The following TF variants were observed in gnomAD, a reference collection of about 807,000 sequenced individuals.
The protein encoded by TF is serotransferrin.
TF carries 55 observed loss-of-function variants against 82.4 expected under a neutral mutation model. That is an observed-to-expected ratio of 0.67 (90% CI 0.54 to 0.84). The LOEUF (loss-of-function observed/expected upper bound fraction) is 0.84. TF is among the 40% of genes least tolerant of loss of function. TF has a pLI of 0.00. For synonymous variants in TF, 332 were observed against 332.6 expected, an observed-to-expected ratio of 1.00 and a Z score of 0.02; for missense variants, 737 against 868.4, an observed-to-expected ratio of 0.85 and a Z score of 1.90.
In TF at chr3:133,787,973, T is replaced by C. The variant is rs554652640; in HGVS notation, c.*9353T>C. On this transcript the variant is annotated 3_prime_UTR_variant, in exon 17 of 17. Coordinates refer to ENST00000402696, the MANE Select transcript of TF (RefSeq NM_001063.4). Reference sequence around the variant, plus strand: ...CAACCCTAAGTGACACATGGGCCCATATCCACCAGGTTGGTGGTGCAGAGG... The same window carrying C: ...CAACCCTAAGTGACACATGGGCCCACATCCACCAGGTTGGTGGTGCAGAGG... 15 of 152,240 alleles carry C rather than the reference T, an allele frequency of 9.9e-5. No individual in the cohort carries two copies. The South Asian group carries it at 3.1e-3, about 32-fold the overall frequency. The allele number at this position is 152,240 out of a possible 1,614,324, so 9.4% of individuals were successfully genotyped here. A position where few individuals can be genotyped will look rare whatever the true frequency, so the allele number is the denominator to read the frequency against.
the TF span, among the ~76,000 whole-genome samples, chr3:133,725,646 A>C: frequency 6.6e-6 from 1 of 151,808 alleles, no homozygotes; most frequent in Non-Finnish European, 1.5e-5. Flanking sequence ...AATACCCTTT[A>C]TTTCCTTCTC....
chr3:133,753,980 G>A (rs1431031017), intron 3 of TF: 1 of 553,182 alleles, frequency 1.8e-6, no homozygotes, highest in African/African-American at 1.9e-5. Flanking sequence ...TTGACCTGAA[G>A]GCTACTGCGG....
At chr3:133,731,617 G>A in the TF span, among the ~76,000 whole-genome samples, 2 of 152,280 alleles carry the variant, frequency 1.3e-5, no homozygotes, top group South Asian at 4.1e-4. Context: ...GTCTATGTTG[G>A]GTGTTCTGTA....
intron 13 of TF, among the ~76,000 whole-genome samples, chr3:133,769,416 A>G (rs915057027): frequency 6.6e-6 from 1 of 152,222 alleles, no homozygotes; most frequent in African/African-American, 2.4e-5. Context: ...TTTGAGAATT[A>G]TAGGTCATGA....
the TF span, among the ~76,000 whole-genome samples, chr3:133,726,664 C>T: frequency 6.6e-6 from 1 of 151,774 alleles, no homozygotes; most frequent in Non-Finnish European, 1.5e-5. Flanking sequence ...TCCTTCAGTT[C>T]TGCTCTGATT....
chr3:133,706,210 A>G, the TF span, among the ~76,000 whole-genome samples: 1 of 152,214 alleles, frequency 6.6e-6, no homozygotes, highest in African/African-American at 2.4e-5. Flanking sequence ...ACTGGGGCCC[A>G]TTCCTGGCAT....
chr3:133,703,581 G>A, the TF span, among the ~76,000 whole-genome samples: 1 of 152,152 alleles, frequency 6.6e-6, no homozygotes, highest in Non-Finnish European at 1.5e-5. Flanking sequence ...AATAAGGCTT[G>A]GTAAGTTTTT....
In TF at chr3:133,790,255, G is replaced by A. The variant is rs1934798938; in HGVS notation, c.*11635G>A. ...TGGGGAAATATGTTTCTAAAATTGT[G>A]GAATTGTTCTTAACTATAAATTCCC... On this transcript the variant is annotated 3_prime_UTR_variant, in exon 17 of 17. Transcript: ENST00000402696. The A allele has an allele frequency of 6.6e-6, 1 of 152,084 alleles. No homozygotes were observed. Among genetic ancestry groups the A allele is most frequent in the Non-Finnish European group, 1.5e-5 (1 of 68,016 alleles). 9.4% of individuals were successfully genotyped at this position (152,084 alleles called of 1,614,324 possible). A position where few individuals can be genotyped will look rare whatever the true frequency, so the allele number is the denominator to read the frequency against.
At chr3:133,713,195 A>T in the TF span, among the ~76,000 whole-genome samples, 241 of 152,356 alleles carry the variant, frequency 1.6e-3, no homozygotes, top group Non-Finnish European at 2.6e-3. Context: ...AGTATATTTT[A>T]AAAATAGATA....
chr3:133,768,276 T>C, intron 13 of TF, 112 bp downstream of exon 13: 1 of 1,402,590 alleles, frequency 7.1e-7, no homozygotes, highest in Non-Finnish European at 9.8e-7. Flanking sequence ...CGGCATGTAT[T>C]AAGAGAGTAT....
At chr3:133,772,614 A>G (rs1363560562) in intron 14 of TF, 1 of 152,210 alleles carries the variant, frequency 6.6e-6, no homozygotes, top group Non-Finnish European at 1.5e-5. Flanking sequence ...CTCTTCTCCC[A>G]GCCTCTATCC....
At chr3:133,743,322 T>C (rs1933428083), upstream of TF, among the ~76,000 whole-genome samples, 1 of 152,204 alleles carries the variant, frequency 6.6e-6, no homozygotes, top group African/African-American at 2.4e-5. Flanking sequence ...TCTAAGGATC[T>C]GCAGTTGGTA....
chr3:133,687,497 T>G, the TF span, among the ~76,000 whole-genome samples: 28,661 of 152,132 alleles, frequency 0.19, 2,918 homozygotes, highest in African/African-American at 0.25. Flanking sequence ...TTGGAAATGT[T>G]GTACAACCAT....
the TF span, among the ~76,000 whole-genome samples, chr3:133,704,492 T>C: frequency 6.6e-6 from 1 of 152,090 alleles, no homozygotes; most frequent in Non-Finnish European, 1.5e-5. Context: ...AATTAAGATA[T>C]AGACAAAGGA....
chr3:133,748,666 A>G, intron 2 of TF, 82 bp downstream of exon 2: 1 of 1,534,538 alleles, frequency 6.5e-7, no homozygotes, highest in Non-Finnish European at 8.9e-7. Flanking sequence ...TTCTTTACTC[A>G]CAGGTAGGAG....
chr3:133,750,212 A>G (rs1933620736), intron 2 of TF, among the ~76,000 whole-genome samples: 1 of 152,224 alleles, frequency 6.6e-6, no homozygotes, highest in African/African-American at 2.4e-5. Context: ...TTTTCCTGGC[A>G]GCACTGAGTT....
chr3:133,760,516 G>A (rs1024684417), intron 9 of TF: 1 of 152,886 alleles, frequency 6.5e-6, no homozygotes, highest in Non-Finnish European at 1.5e-5. Flanking sequence ...TCTGTTAGCA[G>A]TTTGAGTGGC....
Position 133,791,292 on chromosome 3 carries a change from T to G in TF, c.*12672T>G, listed in dbSNP as rs1934824460. 1 of 152,184 alleles carries G rather than the reference T, an allele frequency of 6.6e-6. No homozygotes were observed. Among genetic ancestry groups the G allele is most frequent in the Non-Finnish European group, 1.5e-5 (1 of 68,034 alleles). The allele number at this position is 152,184 out of a possible 1,614,324, so 9.4% of individuals were successfully genotyped here. On this transcript the variant is annotated 3_prime_UTR_variant, in exon 17 of 17. Transcript: ENST00000402696. ...TTCATAAACAGAATTTGAGTCATAT[T>G]TCTCTGTCTGCCCATTTTCTCCAAA...
At chr3:133,756,212 A>G in intron 5 of TF, 70 bp from the exon 6 acceptor site, 2 of 1,493,658 alleles carry the variant, frequency 1.3e-6, no homozygotes, top group Non-Finnish European at 1.9e-6. Context: ...GGACAGTGTG[A>G]TCAGACTCTC....
Sources: gnomAD v4.1 joint callset for allele counts (sites outside exome capture counted in the v4.1 genomes callset) on GRCh38, gnomAD v4.1.1 for gene constraint, MANE v1.5 for transcripts, NCBI Gene and HGNC (gene_info 2026-07-23, HGNC 2026-07-21) for gene names.